The following CEP112 variants were observed in gnomAD, a reference collection of about 807,000 sequenced individuals.
The protein encoded by CEP112 is centrosomal protein of 112 kDa.
CEP112 carries 127 observed loss-of-function variants against 153.0 expected under a neutral mutation model. The ratio of observed to expected loss-of-function variants is 0.83; its 90% CI spans 0.72 to 0.96. CEP112 has a LOEUF of 0.96. Ranked by LOEUF, CEP112 falls within the 40% of genes least tolerant of loss-of-function variation. The probability of loss-of-function intolerance (pLI) is 0.00; values close to 1 mark genes in which losing one functional copy is unlikely to be tolerated. For synonymous variants in CEP112, 358 were observed against 374.4 expected (o/e 0.96, Z 0.51); for missense variants, 1,089 against 1,101.2 (o/e 0.99, Z 0.16).
chr17:66,174,152 T>C (rs2146857252), intron 4 of CEP112, among the ~76,000 whole-genome samples: 1 of 152,184 alleles, frequency 6.6e-6, no homozygotes, highest in South Asian at 2.1e-4. Flanking sequence ...ATGGTCTCGA[T>C]CTCCTGACCT....
chr17:66,091,407 T>C (rs1568480417), intron 8 of CEP112, among the ~76,000 whole-genome samples: 1 of 151,948 alleles, frequency 6.6e-6, no homozygotes, highest in Non-Finnish European at 1.5e-5. Context: ...AATTGACAAA[T>C]ACATGGAAAT....
chr17:65,943,248 C>G (rs75623179), intron 18 of CEP112, among the ~76,000 whole-genome samples: 1 of 152,126 alleles, frequency 6.6e-6, no homozygotes, highest in African/African-American at 2.4e-5. Context: ...ATCTGTAGTG[C>G]ATTTGTGAAA....
chr17:65,683,870 C>T (rs777741202), intron 24 of CEP112, among the ~76,000 whole-genome samples: 1 of 152,070 alleles, frequency 6.6e-6, no homozygotes, highest in African/African-American at 2.4e-5. Context: ...GGTGAAACCC[C>T]GTCTCTACTA....
chr17:65,972,915 G>GCCA (rs917817297), intron 17 of CEP112, among the ~76,000 whole-genome samples: 1 of 152,108 alleles, frequency 6.6e-6, no homozygotes, highest in Non-Finnish European at 1.5e-5. Context: ...ACAGGCACCT[G>GCCA]CCACCACACC....
At chr17:65,876,189 G>C (rs549596459) in intron 20 of CEP112, among the ~76,000 whole-genome samples, 1 of 152,102 alleles carries the variant, frequency 6.6e-6, no homozygotes, top group Non-Finnish European at 1.5e-5. Context: ...ACTGTTCAAC[G>C]AATCTTCTGT....
intron 12 of CEP112, among the ~76,000 whole-genome samples, chr17:66,039,780 T>A (rs1439122864): frequency 2.6e-5 from 4 of 152,180 alleles, no homozygotes; most frequent in Non-Finnish European, 5.9e-5. Context: ...TTGACCTCTA[T>A]CAGTACAAAT....
At chr17:66,038,275 T>C (rs1034483926) in intron 12 of CEP112, among the ~76,000 whole-genome samples, 1 of 152,186 alleles carries the variant, frequency 6.6e-6, no homozygotes, top group Non-Finnish European at 1.5e-5. Flanking sequence ...TCTCTATTTG[T>C]CAAACAAATA....
At chr17:65,655,068 C>T in intron 24 of CEP112, 2 of 688,454 alleles carry the variant, frequency 2.9e-6, no homozygotes, top group South Asian at 2.7e-5. Flanking sequence ...GAACCAAAAC[C>T]TATGATCATT....
At chr17:65,882,692 T>G (rs749055260) in intron 20 of CEP112, among the ~76,000 whole-genome samples, 1 of 152,194 alleles carries the variant, frequency 6.6e-6, no homozygotes, top group Admixed American at 6.5e-5. Context: ...CACAGGATAA[T>G]GACATTACAG....
intron 20 of CEP112, among the ~76,000 whole-genome samples, 166 bp downstream of exon 20, chr17:65,901,983 CGGG>C (rs1193965831): frequency 2.0e-4 from 1 of 4,936 alleles, no homozygotes; most frequent in African/African-American, 9.7e-4. Flanking sequence ...CATCCCAAAA[CGGG>C]GGGGGGGGGG....
chr17:66,133,947 C>T (rs1473584582), intron 4 of CEP112, among the ~76,000 whole-genome samples: 1 of 150,874 alleles, frequency 6.6e-6, no homozygotes, highest in South Asian at 2.1e-4. Context: ...TTTTAATACC[C>T]CTATTCAGTA....
intron 21 of CEP112, among the ~76,000 whole-genome samples, chr17:65,829,241 T>C (rs2056976908): frequency 6.6e-6 from 1 of 152,184 alleles, no homozygotes; most frequent in Non-Finnish European, 1.5e-5. Context: ...TTACCATGTC[T>C]CATAATGTAT....
At chr17:65,863,027 G>A (rs2058359187) in intron 20 of CEP112, among the ~76,000 whole-genome samples, 1 of 151,926 alleles carries the variant, frequency 6.6e-6, no homozygotes, top group Admixed American at 6.6e-5. Context: ...GTTCTAGTAG[G>A]CATTTTAATT....
intron 18 of CEP112, among the ~76,000 whole-genome samples, chr17:65,954,282 C>T (rs1316020166): frequency 6.6e-6 from 1 of 152,170 alleles, no homozygotes; most frequent in East Asian, 1.9e-4. Flanking sequence ...TCTTAGGAAG[C>T]CTCATTCCTA....
intron 21 of CEP112, among the ~76,000 whole-genome samples, chr17:65,805,340 GTA>G (rs2055537335): frequency 6.6e-6 from 1 of 152,150 alleles, no homozygotes; most frequent in African/African-American, 2.4e-5. Context: ...GCTACTTGTT[GTA>G]TAAACTCAGT....
At chr17:66,126,290 T>C (rs2069846567) in intron 6 of CEP112, among the ~76,000 whole-genome samples, 1 of 152,204 alleles carries the variant, frequency 6.6e-6, no homozygotes, top group Non-Finnish European at 1.5e-5. Flanking sequence ...CTGACATAGA[T>C]CTTAAGATAT....
chr17:65,843,430 C>T (rs2057600988), intron 21 of CEP112, among the ~76,000 whole-genome samples: 1 of 151,994 alleles, frequency 6.6e-6, no homozygotes, highest in South Asian at 2.1e-4. Context: ...TATAAAACTT[C>T]ACGTTTTTTA....
intron 11 of CEP112, among the ~76,000 whole-genome samples, chr17:66,056,671 T>C (rs2066703883): frequency 6.6e-6 from 1 of 152,220 alleles, no homozygotes; most frequent in African/African-American, 2.4e-5. Context: ...TTATATGAGA[T>C]ATCTAGAATA....
intron 20 of CEP112, among the ~76,000 whole-genome samples, chr17:65,879,905 G>A (rs1051758771): frequency 4.1e-5 from 6 of 146,094 alleles, no homozygotes; most frequent in African/African-American, 1.0e-4. Context: ...ATATACAACT[G>A]ACAGAAGCCC....
Sources: gnomAD v4.1 joint callset for allele counts (sites outside exome capture counted in the v4.1 genomes callset) on GRCh38, gnomAD v4.1.1 for gene constraint, MANE v1.5 for transcripts, NCBI Gene and HGNC (gene_info 2026-07-23, HGNC 2026-07-21) for gene names.